Variants in MTR observed in about 807,000 individuals in gnomAD.
MTR encodes methionine synthase.
Under a neutral mutation model 154.8 loss-of-function variants are expected in MTR, and 84 were observed. The observed-to-expected ratio is 0.54, with a 90% CI of 0.45 to 0.65. The LOEUF (loss-of-function observed/expected upper bound fraction) is 0.65. MTR is among the 30% of genes least tolerant of loss of function. The pLI is 0.00. For missense variants in MTR, 1,275 were observed against 1,570.2 expected (o/e 0.81, Z 3.18); for synonymous variants, 554 against 553.9 (o/e 1.00, Z 0.00).
intron 8 of MTR, among the ~76,000 whole-genome samples, chr1:236,822,312 G>GTTTTTTTTTTTTTTTTTTTTTTTTTTTT (rs199660325): frequency 8.0e-6 from 1 of 124,938 alleles, no homozygotes; most frequent in Non-Finnish European, 1.6e-5. Flanking sequence ...GGTTTTTTTT[G>GTTTTTTTTTTTTTTTTTTTTTTTTTTTT]TTTTTTTTTT....
At chr1:236,824,910 A>T (rs1288350385) in intron 9 of MTR, among the ~76,000 whole-genome samples, 1 of 152,202 alleles carries the variant, frequency 6.6e-6, no homozygotes, top group Non-Finnish European at 1.5e-5. Flanking sequence ...GGGAAAATTT[A>T]TTTGAAAGGA....
At chr1:236,820,216 C>G (rs943326529) in intron 8 of MTR, 2 of 757,046 alleles carry the variant, frequency 2.6e-6, no homozygotes, top group African/African-American at 3.4e-5. Flanking sequence ...TGAACACTTG[C>G]GGGAGGTCAT....
At position 236,894,278 on chromosome 1, in the gene MTR, C is replaced by T. The variant is rs949114943; in HGVS notation, c.3205-79C>T. ...AAGCTTATTCTCATTTGACGATACC[C>T]GATTGCTCTTCATGGTGTGCTGGCG... On this transcript the variant is annotated intron_variant, in intron 29 of 32. Coordinates refer to ENST00000366577, the MANE Select transcript of MTR (RefSeq NM_000254.3). The T allele has an allele frequency of 1.8e-5, 24 of 1,368,510 alleles. 1 individual carries two copies. The highest frequency in any genetic ancestry group is 4.3e-5 in the African/African-American group (3 of 70,036). 84.8% of individuals were successfully genotyped at this position (1,368,510 alleles called of 1,614,324 possible). A position where few individuals can be genotyped will look rare whatever the true frequency, so the allele number is the denominator to read the frequency against.
At position 236,894,579 on chromosome 1, in the gene MTR, G is replaced by A. The variant is rs536311231; in HGVS notation, c.3405+22G>A. On this transcript the variant is annotated intron_variant, in intron 30 of 32. Coordinates refer to ENST00000366577, the MANE Select transcript of MTR (RefSeq NM_000254.3). ...AGAGGTAAGGCAGAGGCATTGCGCCGAGGGGCTGAGGACAGAGGCCAGGCA... is the reference window on the plus strand; with the variant it reads ...AGAGGTAAGGCAGAGGCATTGCGCCAAGGGGCTGAGGACAGAGGCCAGGCA... The A allele has an allele frequency of 1.5e-4, 239 of 1,613,414 alleles. 7 individuals are homozygous for A. In the South Asian group the frequency reaches 2.4e-3, roughly 16 times the overall value.
At chr1:236,862,373 T>A (rs754630625) in intron 21 of MTR, 30 bp downstream of exon 21, 1 of 1,573,850 alleles carries the variant, frequency 6.4e-7, no homozygotes, top group Admixed American at 1.7e-5. Flanking sequence ...CCTATGGGCC[T>A]TTAGTGGGTT....
chr1:236,891,131 A>C lies in MTR; in HGVS notation c.3008-2A>C, dbSNP rs1666295144. On this transcript the variant is annotated splice_acceptor_variant, in intron 28 of 32. Coordinates refer to ENST00000366577, the MANE Select transcript of MTR (RefSeq NM_000254.3). LOFTEE classifies it high-confidence loss of function. ...TGAATTCTAATTCTGTTTTTCTAATAGGTGGAGAGGCCAGGAAGGTCTACG... is the reference window on the plus strand; with the variant it reads ...TGAATTCTAATTCTGTTTTTCTAATCGGTGGAGAGGCCAGGAAGGTCTACG... The C allele has an allele frequency of 6.2e-7, 1 of 1,614,020 alleles. No individual in the cohort carries two copies. The highest frequency in any genetic ancestry group is 1.3e-5 in the African/African-American group (1 of 74,912).
intron 22 of MTR, among the ~76,000 whole-genome samples, chr1:236,871,081 A>G (rs1389408568): frequency 1.3e-5 from 2 of 152,176 alleles, no homozygotes; most frequent in Non-Finnish European, 2.9e-5. Flanking sequence ...TCCACTGTTC[A>G]GACCCTCCAG....
At chr1:236,878,189 C>T (rs1038688947) in intron 24 of MTR, among the ~76,000 whole-genome samples, 4 of 151,842 alleles carry the variant, frequency 2.6e-5, no homozygotes, top group Admixed American at 2.6e-4. Context: ...TTATAAAGTC[C>T]GATTTATCAG....
chr1:236,862,666 G>A (rs1413169688), intron 21 of MTR, among the ~76,000 whole-genome samples: 1 of 152,172 alleles, frequency 6.6e-6, no homozygotes, highest in East Asian at 1.9e-4. Context: ...ACTGTGCCAG[G>A]CACTGCTCAC....
intron 3 of MTR, among the ~76,000 whole-genome samples, chr1:236,806,836 T>C (rs553953065): frequency 6.6e-6 from 1 of 152,306 alleles, no homozygotes; most frequent in Admixed American, 6.5e-5. Context: ...TTGAATCATA[T>C]AGTATTTGGC....
rs1215198077 is a variant in MTR, at chr1:236,900,562, A to G, written c.*2918A>G. On this transcript the variant is annotated 3_prime_UTR_variant, in exon 33 of 33. Coordinates refer to ENST00000366577, the MANE Select transcript of MTR (RefSeq NM_000254.3). ...GGCTTACAAGTGTTTACTATATGCT[A>G]TTAATACATTATACTTTATAACTAA... The G allele has an allele frequency of 6.6e-6, 1 of 152,482 alleles. No individual in the cohort carries two copies. Among genetic ancestry groups the G allele is most frequent in the Non-Finnish European group, 1.5e-5 (1 of 68,216 alleles). The allele number at this position is 152,482 out of a possible 1,614,324, so 9.4% of individuals were successfully genotyped here. A position where few individuals can be genotyped will look rare whatever the true frequency, so the allele number is the denominator to read the frequency against.
At chr1:236,812,514 G>A (rs1336621767) in intron 5 of MTR, among the ~76,000 whole-genome samples, 2 of 152,214 alleles carry the variant, frequency 1.3e-5, no homozygotes, top group African/African-American at 4.8e-5. Flanking sequence ...ATGGGAAGTG[G>A]AAGTTACGTG....
intron 13 of MTR, among the ~76,000 whole-genome samples, chr1:236,835,132 G>A (rs1156264545): frequency 6.6e-6 from 1 of 151,926 alleles, no homozygotes; most frequent in Non-Finnish European, 1.5e-5. Context: ...TAAACAATGT[G>A]GAAGGGAAAG....
Position 236,880,848 on chromosome 1 carries a change from AC to A in MTR, c.2676+14del. The A allele has an allele frequency of 6.2e-7, 1 of 1,610,610 alleles. No homozygotes were observed. The highest frequency in any genetic ancestry group is 8.5e-7 in the Non-Finnish European group (1 of 1,176,840). On this transcript the variant is annotated intron_variant, in intron 25 of 32. Coordinates refer to ENST00000366577, the MANE Select transcript of MTR (RefSeq NM_000254.3). ...AGAGTGTGGTGGTGGTAAGTGGGTG[AC>A]CTTACATTTTATTCCAGATGTGTTG...
chr1:236,829,237 C>G lies in MTR; in HGVS notation c.1044C>G (p.Ala348=). 8 of 1,613,972 alleles carry G rather than the reference C, an allele frequency of 5.0e-6. No individual in the cohort carries two copies. Among genetic ancestry groups the G allele is most frequent in the Non-Finnish European group, 6.8e-6 (8 of 1,179,938 alleles). ...ATTGTAAGCCTAGAGTTCCACCTGC[C>G]ACTGCTTTTGAAGGACATATGTTAC... ...VKNCKPRVPP[A]TAFEGHMLLS... Residue 348 remains alanine, a synonymous_variant, in exon 12 of 33, where the codon GCC becomes GCG. Transcript: ENST00000366577.
chr1:236,895,537 C>T lies in MTR; in HGVS notation c.3585C>T (p.Ile1195=), dbSNP rs753178913. Residue 1195 remains isoleucine, a synonymous_variant, in exon 31 of 33, where the codon ATC becomes ATT. Transcript: ENST00000366577. Reference sequence around the variant, plus strand: ...TCACCATGTGGAGACTCGCAGACATCGAGCAGTCTACAGGTAGGAGCCAGG... The same window carrying T: ...TCACCATGTGGAGACTCGCAGACATTGAGCAGTCTACAGGTAGGAGCCAGG... ...EKLTMWRLAD[I]EQSTGIRLTE... is the part of the protein sequence containing the mutation. 6 of 1,574,104 alleles carry T rather than the reference C, an allele frequency of 3.8e-6. No homozygotes were observed. Among genetic ancestry groups the T allele is most frequent in the East Asian group, 2.4e-5 (1 of 42,488 alleles).
intron 20 of MTR, 145 bp from the exon 21 acceptor site, chr1:236,862,091 G>A (rs1558319136): frequency 1.7e-5 from 13 of 749,218 alleles, no homozygotes; most frequent in Non-Finnish European, 2.4e-5. Context: ...CTTATCCTTT[G>A]TTCTGCCTAC....
chr1:236,831,963 A>G lies in MTR; in HGVS notation c.1076-3A>G. 6.2e-7 allele frequency: 1 copy of G among 1,612,344 alleles called. No individual in the cohort carries two copies. Among genetic ancestry groups the G allele is most frequent in the Non-Finnish European group, 8.5e-7 (1 of 1,178,384 alleles). On this transcript the variant is annotated splice_region_variant and splice_polypyrimidine_tract_variant and intron_variant, in intron 12 of 32. Transcript: ENST00000366577. The stretch of plus-strand genomic sequence containing the variant: ...AATTTTTCAAAATGCTTCTCCTTTT[A>G]AGGTCTAGAGCCCTTCAGGATTGGA...
At chr1:236,816,639 T>C (rs536343708) in intron 8 of MTR, 96 bp downstream of exon 8, 514 of 986,090 alleles carry the variant, frequency 5.2e-4, no homozygotes, top group Non-Finnish European at 7.4e-4. Flanking sequence ...CTTCTACATA[T>C]TTTCACTGTA....
Sources: gnomAD v4.1 joint callset for allele counts (sites outside exome capture counted in the v4.1 genomes callset) on GRCh38, gnomAD v4.1.1 for gene constraint, MANE v1.5 for transcripts, NCBI Gene and HGNC (gene_info 2026-07-23, HGNC 2026-07-21) for gene names.